Variants in STXBP5L observed in about 807,000 individuals in gnomAD.
STXBP5L encodes the protein syntaxin-binding protein 5-like.
A neutral mutation model predicts 144.5 loss-of-function variants in STXBP5L; 65 were observed. The ratio of observed to expected loss-of-function variants is 0.45; its 90% CI spans 0.37 to 0.55. The LOEUF is 0.55. Among genes scored for constraint, STXBP5L ranks in the 20% least tolerant of loss-of-function variants. The probability of loss-of-function intolerance (pLI) is 0.00; values close to 1 mark genes in which losing one functional copy is unlikely to be tolerated. For synonymous variants in STXBP5L, 505 were observed against 469.6 expected, an observed-to-expected ratio of 1.08 and a Z score of -0.97; for missense variants, 1,298 against 1,405.5, an observed-to-expected ratio of 0.92 and a Z score of 1.22.
chr3:121,396,509 A>C (rs1470060745), intron 22 of STXBP5L, among the ~76,000 whole-genome samples: 1 of 152,240 alleles, frequency 6.6e-6, no homozygotes. Flanking sequence ...GTGTCCACAC[A>C]TACATGTGCA....
chr3:121,361,984 G>A (rs991671559), intron 20 of STXBP5L, among the ~76,000 whole-genome samples: 7 of 152,322 alleles, frequency 4.6e-5, no homozygotes, highest in Non-Finnish European at 8.8e-5. Flanking sequence ...TGTGATCTAA[G>A]CTGTATCTGC....
chr3:120,920,120 A>G (rs955871700), intron 2 of STXBP5L, among the ~76,000 whole-genome samples: 1 of 151,850 alleles, frequency 6.6e-6, no homozygotes, highest in Non-Finnish European at 1.5e-5. Context: ...TAACAAGTCT[A>G]ATACTTATTG....
intron 1 of STXBP5L, 76 bp from the exon 2 acceptor site, chr3:120,909,495 G>T: frequency 7.7e-7 from 1 of 1,295,634 alleles, no homozygotes; most frequent in Non-Finnish European, 1.1e-6. Flanking sequence ...AATGAAAAGA[G>T]AAAGGCTTTT....
chr3:120,987,793 A>G (rs1304087351), intron 3 of STXBP5L, among the ~76,000 whole-genome samples: 1 of 151,722 alleles, frequency 6.6e-6, no homozygotes, highest in Non-Finnish European at 1.5e-5. Flanking sequence ...TGATTTTGTT[A>G]TCTGGGTAAT....
At chr3:121,095,576 A>G (rs982679325) in intron 5 of STXBP5L, among the ~76,000 whole-genome samples, 2 of 152,124 alleles carry the variant, frequency 1.3e-5, no homozygotes, top group Non-Finnish European at 2.9e-5. Flanking sequence ...AGCTGATCGA[A>G]TCGGCTACTG....
chr3:120,909,987 G>A (rs1474245612), intron 2 of STXBP5L, among the ~76,000 whole-genome samples: 1 of 152,154 alleles, frequency 6.6e-6, no homozygotes, highest in Non-Finnish European at 1.5e-5. Context: ...CACACAAAAA[G>A]TAGAATTTGC....
At chr3:120,909,444 C>G in intron 1 of STXBP5L, 127 bp from the exon 2 acceptor site, 1 of 765,810 alleles carries the variant, frequency 1.3e-6, no homozygotes, top group Non-Finnish European at 2.0e-6. Context: ...TTTTTCCAGT[C>G]GGTCGTAACC....
Position 121,154,192 on chromosome 3 carries a change from G to T in STXBP5L, c.753+1632G>T, listed in dbSNP as rs537359700. Among the ~76,000 whole-genome samples the T allele has an allele frequency of 5.3e-5, 8 of 151,842 alleles. No homozygotes were observed. The East Asian group carries it at 1.5e-3, about 29-fold the overall frequency. Reference sequence around the variant, plus strand: ...TTATACCTAGAAGTTATTGACATCTGATATATGTATGTAAATATATCATCT... The same window carrying T: ...TTATACCTAGAAGTTATTGACATCTTATATATGTATGTAAATATATCATCT... On this transcript the variant is annotated intron_variant, in intron 8 of 26. Coordinates refer to ENST00000471454, the MANE Select transcript of STXBP5L (RefSeq NM_001308330.2).
At chr3:120,962,389 C>T (rs921640864) in intron 3 of STXBP5L, among the ~76,000 whole-genome samples, 2 of 152,152 alleles carry the variant, frequency 1.3e-5, no homozygotes, top group Non-Finnish European at 2.9e-5. Context: ...AGGTTTTCTT[C>T]TAGGGTTTTT....
chr3:121,332,246 A>G (rs1296365949), intron 20 of STXBP5L, among the ~76,000 whole-genome samples: 1 of 152,018 alleles, frequency 6.6e-6, no homozygotes, highest in Non-Finnish European at 1.5e-5. Context: ...ATGGATCCAA[A>G]CCAAGATGAA....
chr3:120,995,154 T>C (rs1457475056), intron 3 of STXBP5L, among the ~76,000 whole-genome samples: 2 of 152,156 alleles, frequency 1.3e-5, no homozygotes, highest in African/African-American at 2.4e-5. Flanking sequence ...TTTTGTTTTC[T>C]TTTCCTATTT....
In STXBP5L at chr3:121,101,046, A is replaced by C. The variant is rs527379477; in HGVS notation, c.471-13879A>C. Among the ~76,000 whole-genome samples the C allele has an allele frequency of 3.3e-5, 5 of 152,228 alleles. No individual in the cohort carries two copies. The South Asian group carries it at 6.2e-4, about 19-fold the overall frequency. ...GCCTCCCAAGAATGAATCAGGAAGAAATTGAAACCCTGAACAGACCAATAT... is the reference window on the plus strand; with the variant it reads ...GCCTCCCAAGAATGAATCAGGAAGACATTGAAACCCTGAACAGACCAATAT... On this transcript the variant is annotated intron_variant, in intron 5 of 26. Coordinates refer to ENST00000471454, the MANE Select transcript of STXBP5L (RefSeq NM_001308330.2).
chr3:121,230,256 T>C (rs2049260740), intron 11 of STXBP5L, among the ~76,000 whole-genome samples: 2 of 152,198 alleles, frequency 1.3e-5, no homozygotes, highest in African/African-American at 4.8e-5. Flanking sequence ...TAAAGTCAAA[T>C]AATTCAGAGG....
At chr3:121,164,053 A>G (rs921810187) in intron 9 of STXBP5L, among the ~76,000 whole-genome samples, 2 of 152,152 alleles carry the variant, frequency 1.3e-5, no homozygotes, top group Non-Finnish European at 2.9e-5. Flanking sequence ...CGTTTAATAA[A>G]TTTAGAACAT....
At chr3:120,959,702 A>C (rs1938520749) in intron 3 of STXBP5L, among the ~76,000 whole-genome samples, 1 of 152,218 alleles carries the variant, frequency 6.6e-6, no homozygotes, top group African/African-American at 2.4e-5. Context: ...GGCTAGCCAT[A>C]TGTAGAAAGC....
intron 3 of STXBP5L, among the ~76,000 whole-genome samples, chr3:120,962,425 C>T (rs188021697): frequency 5.4e-4 from 82 of 152,310 alleles, no homozygotes; most frequent in African/African-American, 1.9e-3. Context: ...ACATGTAATT[C>T]TTTAATCCAT....
chr3:121,080,400 GT>G (rs1227777769), intron 5 of STXBP5L, among the ~76,000 whole-genome samples: 5 of 151,686 alleles, frequency 3.3e-5, no homozygotes, highest in African/African-American at 1.2e-4. Context: ...TTTTTAAATT[GT>G]GTTATTGTTT....
At chr3:121,211,671 G>A (rs975276729) in intron 10 of STXBP5L, among the ~76,000 whole-genome samples, 4 of 140,944 alleles carry the variant, frequency 2.8e-5, no homozygotes, top group African/African-American at 5.3e-5. Flanking sequence ...CTCTGCCTCC[G>A]GGGTTCAAGC....
At chr3:120,962,602 T>C (rs1938985281) in intron 3 of STXBP5L, among the ~76,000 whole-genome samples, 1 of 152,182 alleles carries the variant, frequency 6.6e-6, no homozygotes, top group Non-Finnish European at 1.5e-5. Flanking sequence ...TGTGGCATTA[T>C]TTCTGAGGGC....
Sources: allele counts gnomAD v4.1 joint callset (sites outside exome capture counted in the v4.1 genomes callset), GRCh38; gene constraint gnomAD v4.1.1; transcripts MANE v1.5; gene names NCBI Gene and HGNC (gene_info 2026-07-23, HGNC 2026-07-21).